SCN4A: variants seen among roughly 807,000 people sequenced by gnomAD.
SCN4A encodes the protein sodium voltage-gated channel alpha subunit 4.
Under a neutral mutation model 162.0 loss-of-function variants are expected in SCN4A, and 83 were observed. The ratio of observed to expected loss-of-function variants is 0.51; its 90% CI spans 0.43 to 0.61. SCN4A has a LOEUF of 0.61. Among genes scored for constraint, SCN4A ranks in the 20% least tolerant of loss-of-function variants. The pLI is 0.00. For synonymous variants in SCN4A, 944 were observed against 985.1 expected (o/e 0.96, Z 0.78); for missense variants, 2,196 against 2,462.5 (o/e 0.89, Z 2.29).
At chr17:63,953,818 C>T (rs1460260740) in intron 13 of SCN4A, among the ~76,000 whole-genome samples, 1 of 152,294 alleles carries the variant, frequency 6.6e-6, no homozygotes, top group East Asian at 1.9e-4. Flanking sequence ...GGTGGCGTGG[C>T]CTGCTCTAGG....
intron 10 of SCN4A, among the ~76,000 whole-genome samples, chr17:63,963,296 C>T (rs893451024): frequency 1.7e-4 from 26 of 152,240 alleles, no homozygotes; most frequent in African/African-American, 6.0e-4. Flanking sequence ...GTCCAGTTTC[C>T]GGAACATTGG....
intron 13 of SCN4A, among the ~76,000 whole-genome samples, chr17:63,952,780 T>C (rs1459152290): frequency 6.6e-6 from 1 of 152,070 alleles, no homozygotes. Flanking sequence ...ACCCACTTTA[T>C]TTTCCAGTGG....
Position 63,963,654 on chromosome 17 carries a change from G to A in SCN4A, c.1606+18C>T, listed in dbSNP as rs1909338645. On this transcript the variant is annotated intron_variant, in intron 10 of 23. Coordinates refer to ENST00000435607, the MANE Select transcript of SCN4A (RefSeq NM_000334.4). ...CTCCACCCCTACCTAAGTGGGCACGGGGGCACAAGGCACTCACCTTCCATG... is the reference window on the plus strand; with the variant it reads ...CTCCACCCCTACCTAAGTGGGCACGAGGGCACAAGGCACTCACCTTCCATG... 8 of 1,546,286 alleles carry A rather than the reference G, an allele frequency of 5.2e-6. No homozygotes were observed. In the East Asian group the frequency reaches 1.6e-4, roughly 32 times the overall value.
chr17:63,957,623 C>T, intron 12 of SCN4A, 105 bp from the exon 13 acceptor site: 1 of 716,196 alleles, frequency 1.4e-6, no homozygotes, highest in Non-Finnish European at 2.3e-6. Flanking sequence ...AATCTCCAGC[C>T]CCCCACACCA....
In SCN4A at chr17:63,959,503, C is replaced by A. The variant is rs1477345888; in HGVS notation, c.1846-65G>T. ...AGCCCAGGGCCCTGGAAGTCTCCCACCCAACTCCCACCTCCTGGCAGAGGC... is the reference window on the plus strand; with the variant it reads ...AGCCCAGGGCCCTGGAAGTCTCCCAACCAACTCCCACCTCCTGGCAGAGGC... On this transcript the variant is annotated intron_variant, in intron 11 of 23. Coordinates refer to ENST00000435607, the MANE Select transcript of SCN4A (RefSeq NM_000334.4). The A allele has an allele frequency of 6.1e-6, 9 of 1,487,210 alleles. No homozygotes were observed. The East Asian group carries it at 7.1e-5, about 12-fold the overall frequency. 92.1% of individuals were successfully genotyped at this position (1,487,210 alleles called of 1,614,324 possible). A position where few individuals can be genotyped will look rare whatever the true frequency, so the allele number is the denominator to read the frequency against.
intron 3 of SCN4A, 101 bp from the exon 4 acceptor site, chr17:63,971,951 G>A (rs1319043814): frequency 3.7e-6 from 5 of 1,352,656 alleles, no homozygotes; most frequent in Non-Finnish European, 5.2e-6. Context: ...AATGAAATAT[G>A]CCACTCAGGT....
intron 16 of SCN4A, among the ~76,000 whole-genome samples, chr17:63,948,314 G>A (rs1908794390): frequency 6.6e-6 from 1 of 152,140 alleles, no homozygotes; most frequent in South Asian, 2.1e-4. Flanking sequence ...TGCTGGGCAG[G>A]TCCACAGTGA....
At chr17:63,961,104 C>G in intron 11 of SCN4A, 89 bp downstream of exon 11, 1 of 822,304 alleles carries the variant, frequency 1.2e-6, no homozygotes, top group Non-Finnish European at 2.0e-6. Flanking sequence ...CCCACCGTGC[C>G]CTATATTTAC....
Position 63,951,950 on chromosome 17 carries a change from G to C in SCN4A, c.2377-50C>G. 3 of 1,221,806 alleles carry C rather than the reference G, an allele frequency of 2.5e-6. No individual in the cohort carries two copies. The highest frequency in any genetic ancestry group is 3.4e-6 in the Non-Finnish European group (3 of 888,798). The allele number at this position is 1,221,806 out of a possible 1,614,324, so 75.7% of individuals were successfully genotyped here. A position where few individuals can be genotyped will look rare whatever the true frequency, so the allele number is the denominator to read the frequency against. ...CTCACATCAGTCCCCGGGACCCAGAGGGTGCCACCTTCAGCCAGCACAGGG... is the reference window on the plus strand; with the variant it reads ...CTCACATCAGTCCCCGGGACCCAGACGGTGCCACCTTCAGCCAGCACAGGG... On this transcript the variant is annotated intron_variant, in intron 13 of 23. Coordinates refer to ENST00000435607, the MANE Select transcript of SCN4A (RefSeq NM_000334.4). This position sits in a 1 kb window ranked among gnomAD's most constrained non-coding sequence, Gnocchi z 4.5.
chr17:63,942,325 G>A (rs544628381), intron 23 of SCN4A, among the ~76,000 whole-genome samples: 5 of 152,066 alleles, frequency 3.3e-5, no homozygotes, highest in Non-Finnish European at 7.4e-5. Context: ...GACAGAGAGA[G>A]AGGGAGACAG....
chr17:63,953,305 A>G (rs1908971529), intron 13 of SCN4A, among the ~76,000 whole-genome samples: 1 of 151,972 alleles, frequency 6.6e-6, no homozygotes. Flanking sequence ...GGTTGCAGTG[A>G]GTCGAGATCA....
chr17:63,956,011 T>C (rs1332521357), intron 13 of SCN4A, among the ~76,000 whole-genome samples: 1 of 152,152 alleles, frequency 6.6e-6, no homozygotes, highest in Non-Finnish European at 1.5e-5. Context: ...ACTGCAGGGC[T>C]CTGGCAGGAG....
Position 63,963,822 on chromosome 17 carries a change from T to A in SCN4A, c.1456A>T (p.Lys486Ter), listed in dbSNP as rs764618872. 1 of 1,598,784 alleles carries A rather than the reference T, an allele frequency of 6.3e-7. No homozygotes were observed. Among genetic ancestry groups the A allele is most frequent in the Admixed American group, 1.7e-5 (1 of 58,302 alleles). The change falls in exon 10 of 24, where the codon AAG becomes TAG. Residue 486 changes from lysine (K) to a stop codon, truncating the protein, a stop_gained. Coordinates refer to ENST00000435607, the MANE Select transcript of SCN4A (RefSeq NM_000334.4). LOFTEE classifies it high-confidence loss of function. ...KKHQEELEKA[K>*]AAQALEGGEA... ...CCACCTTCCAGAGCTTGGGCGGCCT[T>A]GGCCTGTAGACCAGCAAGAGTGACT...
In SCN4A at chr17:63,961,483, C is replaced by T. The variant is rs369974345; in HGVS notation, c.1607-52G>A. 1.2e-4 allele frequency: 155 copies of T among 1,337,072 alleles called. No homozygotes were observed. The African/African-American group carries it at 1.7e-3, about 15-fold the overall frequency. 82.8% of individuals were successfully genotyped at this position (1,337,072 alleles called of 1,614,324 possible). Reference sequence around the variant, plus strand: ...TGGTGAGGATTATCCCCTCACGTGCCCCCGGCTCCAGCTAGAGCTTTTGTT... The same window carrying T: ...TGGTGAGGATTATCCCCTCACGTGCTCCCGGCTCCAGCTAGAGCTTTTGTT... On this transcript the variant is annotated intron_variant, in intron 10 of 23. Transcript: ENST00000435607.
At chr17:63,961,487 G>T in intron 10 of SCN4A, 56 bp from the exon 11 acceptor site, 1 of 1,296,372 alleles carries the variant, frequency 7.7e-7, no homozygotes, top group Non-Finnish European at 1.1e-6. Context: ...ACGTGCCCCC[G>T]GCTCCAGCTA....
In SCN4A at chr17:63,941,031, A is replaced by T. The variant is rs779564396; in HGVS notation, c.5251T>A (p.Ser1751Thr). 6.2e-7 allele frequency: 1 copy of T among 1,613,852 alleles called. No homozygotes were observed. The highest frequency in any genetic ancestry group is 1.1e-5 in the South Asian group (1 of 91,076). ...TCGTGGCTGTGGCGGTACATGTAGG[A>T]TGCCTGCTTCATGGAGCGCTGTAGC... is the stretch of plus-strand genomic sequence containing the variant. ...HLLQRSMKQASYMYRHSHDGS... is the reference protein window; with the variant it reads ...HLLQRSMKQATYMYRHSHDGS... The change falls in exon 24 of 24, where the codon TCC (serine) becomes ACC (threonine). Residue 1751 changes from serine (S) to threonine (T), a missense_variant. By Grantham distance (58) the Ser-to-Thr change is moderately conservative. Coordinates refer to ENST00000435607, the MANE Select transcript of SCN4A (RefSeq NM_000334.4). This position sits in a 1 kb window ranked among gnomAD's most constrained non-coding sequence, Gnocchi z 6.2.
Position 63,968,200 on chromosome 17 carries a change from A to G in SCN4A, c.859T>C (p.Phe287Leu). The change falls in exon 6 of 24, where the codon TTC becomes CTC. Residue 287 changes from phenylalanine (F) to leucine (L), a missense_variant. By Grantham distance (22) the Phe-to-Leu change is conservative. Transcript: ENST00000435607. Reference protein sequence around the residue: ...RQKCVRWPPPFNDTNTTWYSN... With the variant: ...RQKCVRWPPPLNDTNTTWYSN... ...TACCACGTGGTGTTGGTGTCGTTGA[A>G]CGGCGGGGGCCAGCGCACACACTTC... 6.2e-7 allele frequency: 1 copy of G among 1,613,964 alleles called. No homozygotes were observed. The highest frequency in any genetic ancestry group is 1.3e-5 in the African/African-American group (1 of 75,000).
chr17:63,951,490 C>A lies in SCN4A; in HGVS notation c.2787G>T (p.Glu929Asp). 1 of 1,613,690 alleles carries A rather than the reference C, an allele frequency of 6.2e-7. No homozygotes were observed. Among genetic ancestry groups the A allele is most frequent in the Non-Finnish European group, 8.5e-7 (1 of 1,179,654 alleles). Residue 929 changes from glutamate to aspartate, a missense_variant, in exon 14 of 24, where the codon GAG becomes GAT. Physicochemically the swap from Glu to Asp is conservative, Grantham distance 45 (BLOSUM62 2). Transcript: ENST00000435607. The surrounding 1 kb of genome is among the most constrained non-coding windows in gnomAD (Gnocchi z 4.5). Reference sequence around the variant, plus strand: ...CGGTGGGCATCTCCAGGTCGGACTCCTCGGAGGCGATGGGCACCTGTATGG... The same window carrying A: ...CGGTGGGCATCTCCAGGTCGGACTCATCGGAGGCGATGGGCACCTGTATGG... ...YLTIQVPIAS[E>D]ESDLEMPTEE...
chr17:63,954,865 G>A lies in SCN4A; in HGVS notation c.2376+2297C>T, dbSNP rs77373669. ...AGGGGTGACAGGCACACAGAAGCAGGGCCTGTACTGGTTCCAGACTCTGCA... is the reference window on the plus strand; with the variant it reads ...AGGGGTGACAGGCACACAGAAGCAGAGCCTGTACTGGTTCCAGACTCTGCA... On this transcript the variant is annotated intron_variant, in intron 13 of 23. Coordinates refer to ENST00000435607, the MANE Select transcript of SCN4A (RefSeq NM_000334.4). Among the ~76,000 whole-genome samples the A allele has an allele frequency of 4.3e-4, 66 of 152,204 alleles. 1 individual carries two copies. The highest frequency in any genetic ancestry group is 1.5e-3 in the African/African-American group (63 of 41,492).
Sources: allele counts gnomAD v4.1 joint callset (sites outside exome capture counted in the v4.1 genomes callset), GRCh38; gene constraint gnomAD v4.1.1; non-coding constraint Gnocchi (gnomAD v3.1); transcripts MANE v1.5; gene names NCBI Gene and HGNC (gene_info 2026-07-23, HGNC 2026-07-21).